The following BRIP1 variants were observed in gnomAD, a reference collection of about 807,000 sequenced individuals.
BRIP1 encodes the protein Fanconi anemia group J protein.
Under a neutral mutation model 119.7 loss-of-function variants are expected in BRIP1, and 88 were observed. The ratio of observed to expected loss-of-function variants is 0.74; its 90% CI spans 0.62 to 0.88. The LOEUF (loss-of-function observed/expected upper bound fraction) is 0.88, where lower values mean the gene tolerates loss of function less well. Among genes scored for constraint, BRIP1 ranks in the 40% least tolerant of loss-of-function variants. BRIP1 has a pLI of 0.00. For synonymous variants in BRIP1, 443 were observed against 496.5 expected (o/e 0.89, Z 1.43); for missense variants, 1,259 against 1,455.4 (o/e 0.87, Z 2.20).
rs987446044 is a variant in BRIP1 at position 61,806,256 on chromosome 17, G to A, written c.918+2211C>T. 6.6e-6 allele frequency among the ~76,000 whole-genome samples: 1 copy of A among 152,040 alleles called. No individual in the cohort carries two copies. Among genetic ancestry groups the A allele is most frequent in the Admixed American group, 6.6e-5 (1 of 15,266 alleles). On this transcript the variant is annotated intron_variant, in intron 7 of 19. Coordinates refer to ENST00000259008, the MANE Select transcript of BRIP1 (RefSeq NM_032043.3). This position sits in a 1 kb window ranked among gnomAD's most constrained non-coding sequence, Gnocchi z 4.9. ...CTGTCAGTTATCTATTTATCATTTCGCTTTGGTAATTCAGTCAAAGTAAAC... is the reference window on the plus strand; with the variant it reads ...CTGTCAGTTATCTATTTATCATTTCACTTTGGTAATTCAGTCAAAGTAAAC...
intron 10 of BRIP1, among the ~76,000 whole-genome samples, chr17:61,786,806 T>A (rs1314845567): frequency 2.3e-5 from 3 of 130,774 alleles, no homozygotes; most frequent in East Asian, 4.2e-4. Flanking sequence ...ATTATATATT[T>A]ATATATTTTA....
In BRIP1 at chr17:61,804,438, G is replaced by GTA. The variant is rs1345337928; in HGVS notation, c.919-2965_919-2964insTA. On this transcript the variant is annotated intron_variant, in intron 7 of 19. Transcript: ENST00000259008. The surrounding 1 kb of genome is among the most constrained non-coding windows in gnomAD (Gnocchi z 4.5). ...TGTGTGTGTGTGTGTGTGTGTGTGT[G>GTA]TGTGTGTGTATGTGTGTGTACATAC... Among the ~76,000 whole-genome samples the GTA allele has an allele frequency of 1.6e-5, 2 of 128,868 alleles. No individual in the cohort carries two copies. The highest frequency in any genetic ancestry group is 6.4e-5 in the African/African-American group (2 of 31,066). 84.5% of individuals were successfully genotyped at this position (128,868 alleles called of 152,430 possible).
At chr17:61,728,408 T>A (rs967262016) in intron 16 of BRIP1, among the ~76,000 whole-genome samples, 2 of 151,454 alleles carry the variant, frequency 1.3e-5, no homozygotes, top group African/African-American at 4.9e-5. Context: ...AGAAACACAG[T>A]CTCCAACTTC....
In BRIP1 at chr17:61,815,806, C is replaced by A. The variant is rs1454588566; in HGVS notation, c.628-7049G>T. On this transcript the variant is annotated intron_variant, in intron 6 of 19. Transcript: ENST00000259008. The surrounding 1 kb of genome is among the most constrained non-coding windows in gnomAD (Gnocchi z 4.1). ...TTCAAAAAGTCATGCATATGAAGAG[C>A]TAGTGGTAAAAGGCCAATGAACATA... 6.6e-6 allele frequency among the ~76,000 whole-genome samples: 1 copy of A among 152,070 alleles called. No homozygotes were observed. Among genetic ancestry groups the A allele is most frequent in the Non-Finnish European group, 1.5e-5 (1 of 68,014 alleles).
chr17:61,793,795 A>G lies in BRIP1; in HGVS notation c.1341-66T>C. 6.6e-7 allele frequency: 1 copy of G among 1,511,136 alleles called. No homozygotes were observed. Among genetic ancestry groups the G allele is most frequent in the African/African-American group, 1.4e-5 (1 of 72,890 alleles). The allele number at this position is 1,511,136 out of a possible 1,614,324, so 93.6% of individuals were successfully genotyped here. A position where few individuals can be genotyped will look rare whatever the true frequency, so the allele number is the denominator to read the frequency against. On this transcript the variant is annotated intron_variant, in intron 9 of 19. Coordinates refer to ENST00000259008, the MANE Select transcript of BRIP1 (RefSeq NM_032043.3). This position sits in a 1 kb window ranked among gnomAD's most constrained non-coding sequence, Gnocchi z 5.2. ...TTACACACACTATTTCAGCAGAACA[A>G]GAGAATCATCATTATTGTCATGCGT...
chr17:61,854,811 G>C (rs1302204068), intron 4 of BRIP1, among the ~76,000 whole-genome samples: 2 of 150,578 alleles, frequency 1.3e-5, no homozygotes, highest in Admixed American at 6.6e-5. Context: ...TCCATACAAA[G>C]ATGTAGACAC....
At position 61,823,679 on chromosome 17, in the gene BRIP1, T is replaced by C. The variant is rs1441803903; in HGVS notation, c.628-14922A>G. Among the ~76,000 whole-genome samples, 2 of 152,080 alleles carry C rather than the reference T, an allele frequency of 1.3e-5. No homozygotes were observed. The highest frequency in any genetic ancestry group is 2.9e-5 in the Non-Finnish European group (2 of 68,022). ...GAGTACTTAAGAAAATATTTTTAAA[T>C]GGCTCAAATTGTTCATAATTTGATG... On this transcript the variant is annotated intron_variant, in intron 6 of 19. Coordinates refer to ENST00000259008, the MANE Select transcript of BRIP1 (RefSeq NM_032043.3). The surrounding 1 kb of genome is among the most constrained non-coding windows in gnomAD (Gnocchi z 4.8).
rs2145025955 is a variant in BRIP1 at position 61,776,412 on chromosome 17, G to A, written c.2086C>T (p.Pro696Ser). ...AAATATTCCCTTACCTTGTAAGATG[G>A]CAAGAAACACAAAATTCCTTGGCTC... ...TVSQGILCFL[P>S]SYKLLEKLKE... Residue 696 changes from proline (P) to serine (S), a missense_variant, in exon 14 of 20, where the codon CCA (proline) becomes TCA (serine). By Grantham distance (74) the Pro-to-Ser change is moderately conservative. Transcript: ENST00000259008. This position sits in a 1 kb window ranked among gnomAD's most constrained non-coding sequence, Gnocchi z 5.0. The A allele has an allele frequency of 6.2e-7, 1 of 1,614,018 alleles. No individual in the cohort carries two copies. Among genetic ancestry groups the A allele is most frequent in the Non-Finnish European group, 8.5e-7 (1 of 1,179,956 alleles).
intron 16 of BRIP1, among the ~76,000 whole-genome samples, chr17:61,719,182 C>CG (rs1376579887): frequency 1.4e-5 from 2 of 147,902 alleles, no homozygotes; most frequent in South Asian, 2.2e-4. Context: ...CATTGCCCCC[C>CG]CCCCATGTTT....
chr17:61,683,830 G>A lies in BRIP1; in HGVS notation c.3216C>T (p.Thr1072=), dbSNP rs1439742900. 2.5e-6 allele frequency: 4 copies of A among 1,614,046 alleles called. No homozygotes were observed. The highest frequency in any genetic ancestry group is 8.5e-7 in the Non-Finnish European group (1 of 1,179,978). The part of the protein sequence containing the change: ...TSFGSCPQSE[T]IISSLKIDAT... ...CATCAATCTTTAATGATGAAATAATGGTTTCTGATTGAGGGCATGATCCAA... is the reference window on the plus strand; with the variant it reads ...CATCAATCTTTAATGATGAAATAATAGTTTCTGATTGAGGGCATGATCCAA... The change falls in exon 20 of 20, where the codon ACC becomes ACT. Residue 1072 remains threonine (T), a synonymous_variant. Coordinates refer to ENST00000259008, the MANE Select transcript of BRIP1 (RefSeq NM_032043.3). This position sits in a 1 kb window ranked among gnomAD's most constrained non-coding sequence, Gnocchi z 4.7.
intron 6 of BRIP1, among the ~76,000 whole-genome samples, chr17:61,819,203 G>C (rs1043857764): frequency 7.0e-6 from 1 of 142,718 alleles, no homozygotes; most frequent in African/African-American, 2.6e-5. Flanking sequence ...AAAAAAAAAG[G>C]CTTTTATCCA....
Position 61,703,080 on chromosome 17 carries a change from T to C in BRIP1, c.2493-9568A>G, listed in dbSNP as rs981290266. 2.0e-5 allele frequency among the ~76,000 whole-genome samples: 3 copies of C among 152,132 alleles called. No individual in the cohort carries two copies. The highest frequency in any genetic ancestry group is 7.2e-5 in the African/African-American group (3 of 41,412). On this transcript the variant is annotated intron_variant, in intron 17 of 19. Coordinates refer to ENST00000259008, the MANE Select transcript of BRIP1 (RefSeq NM_032043.3). This position sits in a 1 kb window ranked among gnomAD's most constrained non-coding sequence, Gnocchi z 5.0. ...TTTTTGTTTTTGTTTGTTTGTTTGT[T>C]TTGAGACAGAGTCTCACTCTATTGC...
chr17:61,805,803 T>C lies in BRIP1; in HGVS notation c.918+2664A>G, dbSNP rs1279480295. On this transcript the variant is annotated intron_variant, in intron 7 of 19. Coordinates refer to ENST00000259008, the MANE Select transcript of BRIP1 (RefSeq NM_032043.3). The surrounding 1 kb of genome is among the most constrained non-coding windows in gnomAD (Gnocchi z 5.6). ...ATTTCTTCATTCCAAGCTTCTTCCA[T>C]ACAATTCTGAAAGCTTACCTTTATA... 6.6e-6 allele frequency among the ~76,000 whole-genome samples: 1 copy of C among 152,186 alleles called. No individual in the cohort carries two copies. Among genetic ancestry groups the C allele is most frequent in the East Asian group, 1.9e-4 (1 of 5,196 alleles).
intron 14 of BRIP1, among the ~76,000 whole-genome samples, chr17:61,765,177 G>A (rs2144886483): frequency 6.6e-6 from 1 of 150,504 alleles, no homozygotes; most frequent in East Asian, 2.0e-4. Flanking sequence ...GTGGTATTCT[G>A]TTATAGCATC....
In BRIP1 at chr17:61,798,987, T is replaced by G; in HGVS notation, c.1340+113A>C. 1.0e-6 allele frequency: 1 copy of G among 981,742 alleles called. No individual in the cohort carries two copies. The allele number at this position is 981,742 out of a possible 1,614,324, so 60.8% of individuals were successfully genotyped here. On this transcript the variant is annotated intron_variant, in intron 9 of 19. Transcript: ENST00000259008. The surrounding 1 kb of genome is among the most constrained non-coding windows in gnomAD (Gnocchi z 5.5). ...AGCTTAACTGGCAAGGAACAATTCA[T>G]TTCCCAAGAAGCCTAGTTAACCAAA...
At chr17:61,737,828 G>A (rs564640932) in intron 16 of BRIP1, among the ~76,000 whole-genome samples, 51 of 152,222 alleles carry the variant, frequency 3.4e-4, no homozygotes, top group Non-Finnish European at 5.6e-4. Context: ...GAAAAAATGC[G>A]ATAGTTGAGG....
In BRIP1 at chr17:61,841,564, C is replaced by T. The variant is rs913637252; in HGVS notation, c.627+5537G>A. Among the ~76,000 whole-genome samples the T allele has an allele frequency of 1.3e-5, 2 of 151,958 alleles. No homozygotes were observed. Among genetic ancestry groups the T allele is most frequent in the African/African-American group, 2.4e-5 (1 of 41,398 alleles). On this transcript the variant is annotated intron_variant, in intron 6 of 19. Transcript: ENST00000259008. The surrounding 1 kb of genome is among the most constrained non-coding windows in gnomAD (Gnocchi z 4.1). ...AAAAAAAAATAACAAATGTTAGTGACGATGTGGAGAAGAAACTCATATACT... is the reference window on the plus strand; with the variant it reads ...AAAAAAAAATAACAAATGTTAGTGATGATGTGGAGAAGAAACTCATATACT...
chr17:61,858,375 G>GTT (rs573831950), intron 3 of BRIP1, among the ~76,000 whole-genome samples: 1,454 of 141,764 alleles, frequency 0.01, 27 homozygotes, highest in African/African-American at 0.033. Context: ...AGTATTTACT[G>GTT]TTTTTTTTTT....
intron 11 of BRIP1, 94 bp downstream of exon 11, chr17:61,784,176 T>C: frequency 9.1e-7 from 1 of 1,104,572 alleles, no homozygotes; most frequent in Non-Finnish European, 1.3e-6. Context: ...ATTCTCCTAT[T>C]TACTCACCCA....
Sources: allele counts gnomAD v4.1 joint callset (sites outside exome capture counted in the v4.1 genomes callset), GRCh38; gene constraint gnomAD v4.1.1; non-coding constraint Gnocchi (gnomAD v3.1); transcripts MANE v1.5; gene names NCBI Gene and HGNC (gene_info 2026-07-23, HGNC 2026-07-21).